The following NFIA variants were observed in gnomAD, a reference collection of about 807,000 sequenced individuals.
The protein encoded by NFIA is nuclear factor I A.
NFIA carries 8 observed loss-of-function variants against 62.8 expected under a neutral mutation model. That is an observed-to-expected ratio of 0.13 (90% CI 0.07 to 0.23). The LOEUF (loss-of-function observed/expected upper bound fraction) is 0.23, where lower values mean the gene tolerates loss of function less well. Among genes scored for constraint, NFIA ranks in the 10% least tolerant of loss-of-function variants. The pLI, the probability that NFIA is intolerant of heterozygous loss-of-function variation, is 1.00. For synonymous variants in NFIA, 235 were observed against 238.1 expected (o/e 0.99, Z 0.12); for missense variants, 410 against 642.1 (o/e 0.64, Z 3.91).
intron 2 of NFIA, among the ~76,000 whole-genome samples, chr1:61,104,830 G>A (rs1402276373): frequency 1.3e-5 from 2 of 151,906 alleles, no homozygotes; most frequent in Non-Finnish European, 2.9e-5. Flanking sequence ...AAAATATAAT[G>A]CTTTAAAGAG....
chr1:61,338,852 C>T (rs1661753862), intron 4 of NFIA, among the ~76,000 whole-genome samples: 1 of 152,134 alleles, frequency 6.6e-6, no homozygotes, highest in Non-Finnish European at 1.5e-5. Context: ...AACTAGTGGC[C>T]TGTTGGTTTT....
intron 7 of NFIA, among the ~76,000 whole-genome samples, chr1:61,387,696 C>T (rs1271748609): frequency 6.6e-6 from 1 of 152,180 alleles, no homozygotes; most frequent in African/African-American, 2.4e-5. Context: ...AGACATTTCA[C>T]TATCTTTGTT....
At chr1:61,156,099 G>T (rs993280731) in intron 2 of NFIA, among the ~76,000 whole-genome samples, 1 of 151,118 alleles carries the variant, frequency 6.6e-6, no homozygotes, top group Non-Finnish European at 1.5e-5. Context: ...ATGCCATTGC[G>T]CTCCAGCCTG....
chr1:61,355,805 T>C (rs1557728365), intron 5 of NFIA, among the ~76,000 whole-genome samples: 1 of 152,138 alleles, frequency 6.6e-6, no homozygotes, highest in African/African-American at 2.4e-5. Flanking sequence ...CACGGTGGTC[T>C]CTCAACTCCT....
chr1:61,407,525 A>C (rs572582038), intron 9 of NFIA, among the ~76,000 whole-genome samples: 3 of 152,332 alleles, frequency 2.0e-5, no homozygotes, highest in Non-Finnish European at 2.9e-5. Flanking sequence ...TGTGCCTTTT[A>C]TTAGTGCCTG....
chr1:61,107,725 G>A (rs749291044), intron 2 of NFIA, among the ~76,000 whole-genome samples: 1 of 151,394 alleles, frequency 6.6e-6, no homozygotes, highest in African/African-American at 2.4e-5. Flanking sequence ...TTTTTGTCTT[G>A]TTGAAGATAT....
upstream of NFIA, chr1:61,082,506 C>T: frequency 2.4e-6 from 3 of 1,247,300 alleles, no homozygotes; most frequent in Non-Finnish European, 3.0e-6. Flanking sequence ...TGCGCTATGC[C>T]TTTAACACCC....
At chr1:61,111,994 TGGA>T (rs1332270011) in intron 2 of NFIA, among the ~76,000 whole-genome samples, 1 of 152,128 alleles carries the variant, frequency 6.6e-6, no homozygotes, top group Non-Finnish European at 1.5e-5. Context: ...TTTCTACCAA[TGGA>T]GAGGTTTACA....
intron 9 of NFIA, among the ~76,000 whole-genome samples, chr1:61,411,705 C>T (rs1666111309): frequency 6.6e-6 from 1 of 151,596 alleles, no homozygotes; most frequent in Non-Finnish European, 1.5e-5. Context: ...GTAAGTGCTA[C>T]ATAGGGAAAT....
At position 61,290,013 on chromosome 1, in the gene NFIA, CTT is replaced by C. The variant is rs34503737; in HGVS notation, c.625+12443_625+12444del. ...CCAGGGACATCTTCTTTTTAAGTTT[CTT>C]TTTTTTTTTTTTTTGACAAAATATA... On this transcript the variant is annotated intron_variant, in intron 3 of 10. Transcript: ENST00000403491. Among the ~76,000 whole-genome samples the C allele has an allele frequency of 1.4e-3, 190 of 140,710 alleles. 1 individual carries two copies. Among genetic ancestry groups the C allele is most frequent in the Non-Finnish European group, 1.1e-3 (71 of 65,332 alleles). The allele number at this position is 140,710 out of a possible 152,430, so 92.3% of individuals were successfully genotyped here. A position where few individuals can be genotyped will look rare whatever the true frequency, so the allele number is the denominator to read the frequency against.
intron 2 of NFIA, among the ~76,000 whole-genome samples, chr1:61,105,716 G>A (rs1016672156): frequency 6.6e-6 from 1 of 151,850 alleles, no homozygotes; most frequent in Non-Finnish European, 1.5e-5. Flanking sequence ...TTATGTTTTT[G>A]TATTTGAGAG....
chr1:61,388,333 A>G (rs997852398), intron 7 of NFIA, among the ~76,000 whole-genome samples: 2 of 152,312 alleles, frequency 1.3e-5, no homozygotes, highest in East Asian at 3.9e-4. Context: ...ATAGTAAAGT[A>G]TTTACTCATG....
At chr1:61,163,612 G>A (rs1291045715) in intron 2 of NFIA, among the ~76,000 whole-genome samples, 1 of 152,146 alleles carries the variant, frequency 6.6e-6, no homozygotes, top group Non-Finnish European at 1.5e-5. Context: ...TGCTATGGAA[G>A]CGAAATTGGT....
chr1:61,426,565 C>T lies in NFIA; in HGVS notation c.1512+9C>T. ...TCCCTCAACAGACACAGGTGGGCCG[C>T]TCTCATCTTTTCTGTATGTGGTGCA... is the stretch of plus-strand genomic sequence containing the variant. On this transcript the variant is annotated intron_variant, in intron 10 of 10. Transcript: ENST00000403491. 1.9e-6 allele frequency: 3 copies of T among 1,544,514 alleles called. No homozygotes were observed. Among genetic ancestry groups the T allele is most frequent in the African/African-American group, 1.4e-5 (1 of 73,006 alleles).
At chr1:61,237,013 T>C (rs1161263126) in intron 2 of NFIA, among the ~76,000 whole-genome samples, 1 of 152,180 alleles carries the variant, frequency 6.6e-6, no homozygotes, top group Non-Finnish European at 1.5e-5. Flanking sequence ...AAGTCCAGTC[T>C]AATATAAGCT....
intron 6 of NFIA, among the ~76,000 whole-genome samples, chr1:61,359,961 A>G (rs945740314): frequency 2.6e-5 from 4 of 152,198 alleles, no homozygotes; most frequent in Admixed American, 2.0e-4. Context: ...ATAAAAATCT[A>G]TCAACTTTTT....
intron 2 of NFIA, among the ~76,000 whole-genome samples, chr1:61,211,903 C>G (rs1379063414): frequency 1.3e-5 from 2 of 152,052 alleles, no homozygotes; most frequent in Non-Finnish European, 2.9e-5. Flanking sequence ...TGCCATGTTG[C>G]CCAGGCTGGT....
chr1:61,216,382 A>G lies in NFIA; in HGVS notation c.560-61138A>G, dbSNP rs139406534. Among the ~76,000 whole-genome samples, 273 of 152,248 alleles carry G rather than the reference A, an allele frequency of 1.8e-3. 1 individual carries two copies. The highest frequency in any genetic ancestry group is 6.2e-3 in the African/African-American group (259 of 41,538). On this transcript the variant is annotated intron_variant, in intron 2 of 10. Coordinates refer to ENST00000403491, the MANE Select transcript of NFIA (RefSeq NM_001134673.4). ...CTAAATTAAAAAAAAAACATGAAGA[A>G]TATTCAGGTGACTATAAACATTTCA...
chr1:61,363,391 G>A (rs1465698121), intron 6 of NFIA, among the ~76,000 whole-genome samples: 1 of 152,136 alleles, frequency 6.6e-6, no homozygotes, highest in Admixed American at 6.5e-5. Context: ...GATCACCTGA[G>A]GTTGGGAGTT....
Sources: allele counts gnomAD v4.1 joint callset (sites outside exome capture counted in the v4.1 genomes callset), GRCh38; gene constraint gnomAD v4.1.1; transcripts MANE v1.5; gene names NCBI Gene and HGNC (gene_info 2026-07-23, HGNC 2026-07-21).